The following SLC22A5 variants were observed in gnomAD, a reference collection of about 807,000 sequenced individuals.
The protein encoded by SLC22A5 is solute carrier family 22 member 5.
SLC22A5 carries 44 observed loss-of-function variants against 56.7 expected under a neutral mutation model. The ratio of observed to expected loss-of-function variants is 0.78; its 90% CI spans 0.61 to 1.00. The LOEUF (loss-of-function observed/expected upper bound fraction) is 1.00. Among genes scored for constraint, SLC22A5 ranks in the 50% least tolerant of loss-of-function variants. SLC22A5 has a pLI of 0.00. For synonymous variants in SLC22A5, 278 were observed against 292.1 expected (o/e 0.95, Z 0.49); for missense variants, 675 against 723.0 (o/e 0.93, Z 0.76).
At chr5:132,391,762 C>T (rs1376519394) in intron 7 of SLC22A5, among the ~76,000 whole-genome samples, 3 of 152,220 alleles carry the variant, frequency 2.0e-5, no homozygotes, top group African/African-American at 7.2e-5. Flanking sequence ...ATCTCTCCCT[C>T]TCCATCACTG....
chr5:132,373,790 C>T (rs565899790), intron 1 of SLC22A5, among the ~76,000 whole-genome samples: 2 of 152,296 alleles, frequency 1.3e-5, no homozygotes, highest in South Asian at 2.1e-4. Flanking sequence ...GGGAATTAGC[C>T]AACCCATCAT....
intron 9 of SLC22A5, 51 bp downstream of exon 9, chr5:132,393,862 A>G (rs1205421763): frequency 6.2e-7 from 1 of 1,604,196 alleles, no homozygotes; most frequent in African/African-American, 1.3e-5. Context: ...GGGTCTGGCC[A>G]GGTCTCAGGA....
chr5:132,394,105 T>C, intron 9 of SLC22A5, 80 bp from the exon 10 acceptor site: 3 of 957,702 alleles, frequency 3.1e-6, no homozygotes, highest in Non-Finnish European at 3.4e-6. Context: ...AGGGAAGATA[T>C]CCTCAGTTCT....
rs1752561409 is a variant in SLC22A5 at position 132,387,161 on chromosome 5, A to G, written c.951+10A>G. 1 of 1,614,128 alleles carries G rather than the reference A, an allele frequency of 6.2e-7. No homozygotes were observed. The highest frequency in any genetic ancestry group is 8.5e-7 in the Non-Finnish European group (1 of 1,179,998). Reference sequence around the variant, plus strand: ...CTTTGACCCGAGTGAGGTAAGCACCATGTGGGTGTGGGTGAGAGGGACAGA... The same window carrying G: ...CTTTGACCCGAGTGAGGTAAGCACCGTGTGGGTGTGGGTGAGAGGGACAGA... On this transcript the variant is annotated intron_variant, in intron 5 of 9. Transcript: ENST00000245407.
intron 6 of SLC22A5, chr5:132,389,501 G>A (rs1339241770): frequency 1.0e-5 from 2 of 199,256 alleles, no homozygotes; most frequent in African/African-American, 4.7e-5. Context: ...CTATAGCCTA[G>A]ATGTCCTTAC....
chr5:132,382,884 A>T (rs780598707), intron 2 of SLC22A5: 4 of 152,208 alleles, frequency 2.6e-5, no homozygotes, highest in Non-Finnish European at 5.9e-5. Flanking sequence ...ATTGAATGAA[A>T]GTGGGTGTCA....
chr5:132,392,620 G>C lies in SLC22A5; in HGVS notation c.1450+5G>C. On this transcript the variant is annotated splice_donor_5th_base_variant and intron_variant, in intron 8 of 9. Coordinates refer to ENST00000245407, the MANE Select transcript of SLC22A5 (RefSeq NM_003060.4). ...CTCCCTACTTCGTTTACCTTGGTAA[G>C]TCCCATGAGCCAAGGGCACACTAGA... 1 of 1,613,370 alleles carries C rather than the reference G, an allele frequency of 6.2e-7. No individual in the cohort carries two copies. The highest frequency in any genetic ancestry group is 8.5e-7 in the Non-Finnish European group (1 of 1,179,532).
intron 1 of SLC22A5, 72 bp downstream of exon 1, chr5:132,370,437 C>T: frequency 2.6e-6 from 4 of 1,522,716 alleles, no homozygotes; most frequent in Non-Finnish European, 3.6e-6. Flanking sequence ...ACCCGAGCTC[C>T]TCTCTCCCAG....
At chr5:132,379,511 T>C (rs1752277069) in intron 2 of SLC22A5, 2 of 147,694 alleles carry the variant, frequency 1.4e-5, no homozygotes, top group African/African-American at 5.0e-5. Context: ...GGAAAAGGAG[T>C]TTCACTCTTG....
intron 6 of SLC22A5, chr5:132,389,253 A>C: frequency 1.9e-6 from 1 of 518,726 alleles, no homozygotes; most frequent in Non-Finnish European, 3.5e-6. Context: ...GGAAATATGG[A>C]CTCTTGTGGG....
chr5:132,378,091 C>T, intron 1 of SLC22A5: 1 of 1,545,552 alleles, frequency 6.5e-7, no homozygotes. Context: ...GCGTTAGAGG[C>T]CTTGCTTTCT....
intron 2 of SLC22A5, chr5:132,383,745 A>T (rs1752427057): frequency 7.6e-6 from 2 of 262,672 alleles, no homozygotes; most frequent in Non-Finnish European, 1.5e-5. Context: ...ACAAAGGAAA[A>T]TCAGGACAAA....
intron 2 of SLC22A5, chr5:132,379,225 C>A (rs184571122): frequency 6.5e-6 from 1 of 152,952 alleles, no homozygotes; most frequent in African/African-American, 2.4e-5. Flanking sequence ...TTAGAGGGGT[C>A]CATTATGTTG....
In SLC22A5 at chr5:132,388,996, G is replaced by A; in HGVS notation, c.1027G>A (p.Val343Ile). 6.2e-7 allele frequency: 1 copy of A among 1,613,248 alleles called. No homozygotes were observed. The highest frequency in any genetic ancestry group is 1.1e-5 in the South Asian group (1 of 91,074). Residue 343 changes from valine to isoleucine, a missense_variant, in exon 6 of 10, where the codon GTC (valine) becomes ATC (isoleucine). Transcript: ENST00000245407. ...DLLRTWNIRM[V>I]TIMSIMLWMT... ...GCTTCGAACCTGGAATATCCGGATG[G>A]TCACCATCATGTCCATAATGCTGTG...
rs1752670020 is a variant in SLC22A5, at chr5:132,390,770, T to C, written c.1133T>C (p.Leu378Pro). The C allele has an allele frequency of 6.2e-7, 1 of 1,614,266 alleles. No homozygotes were observed. Among genetic ancestry groups the C allele is most frequent in the Non-Finnish European group, 8.5e-7 (1 of 1,180,048 alleles). Reference protein sequence around the residue: ...LHGDIFVNCFLSAMVEVPAYV... With the variant: ...LHGDIFVNCFPSAMVEVPAYV... ...GGGGACATCTTTGTGAACTGCTTCC[T>C]TTCAGCGATGGTTGAAGTCCCAGCA... The change falls in exon 7 of 10, where the codon CTT becomes CCT. Residue 378 changes from leucine to proline, a missense_variant. Coordinates refer to ENST00000245407, the MANE Select transcript of SLC22A5 (RefSeq NM_003060.4).
At chr5:132,375,930 T>C (rs1402848383) in intron 1 of SLC22A5, among the ~76,000 whole-genome samples, 1 of 152,232 alleles carries the variant, frequency 6.6e-6, no homozygotes, top group African/African-American at 2.4e-5. Flanking sequence ...GCCCATCCCA[T>C]GTGCCAGGCG....
chr5:132,390,454 T>G, intron 6 of SLC22A5: 1 of 587,092 alleles, frequency 1.7e-6, no homozygotes, highest in Non-Finnish European at 3.1e-6. Flanking sequence ...TGGGACACTG[T>G]CTATATGGAA....
chr5:132,373,502 G>A (rs542355901), intron 1 of SLC22A5, among the ~76,000 whole-genome samples: 37 of 152,282 alleles, frequency 2.4e-4, no homozygotes, highest in African/African-American at 8.4e-4. Flanking sequence ...TGGGTGTGGT[G>A]GCACATGCCT....
At position 132,394,310 on chromosome 5, in the gene SLC22A5, C is replaced by T. The variant is rs759657193; in HGVS notation, c.*38C>T. 2 of 1,459,820 alleles carry T rather than the reference C, an allele frequency of 1.4e-6. No individual in the cohort carries two copies. The highest frequency in any genetic ancestry group is 2.8e-5 in the African/African-American group (2 of 71,534). The allele number at this position is 1,459,820 out of a possible 1,614,324, so 90.4% of individuals were successfully genotyped here. A position where few individuals can be genotyped will look rare whatever the true frequency, so the allele number is the denominator to read the frequency against. Reference sequence around the variant, plus strand: ...TAAGGGAGAAACTGAAGAGGAAAGACTGTCTTGCCAGAAATGGCCAGCTTG... The same window carrying T: ...TAAGGGAGAAACTGAAGAGGAAAGATTGTCTTGCCAGAAATGGCCAGCTTG... On this transcript the variant is annotated 3_prime_UTR_variant, in exon 10 of 10. Transcript: ENST00000245407.
Sources: allele counts gnomAD v4.1 joint callset (sites outside exome capture counted in the v4.1 genomes callset), GRCh38; gene constraint gnomAD v4.1.1; transcripts MANE v1.5; gene names NCBI Gene and HGNC (gene_info 2026-07-23, HGNC 2026-07-21).